Variants in DDC observed in about 807,000 individuals in gnomAD.
DDC encodes dopa decarboxylase.
Under a neutral mutation model 60.0 loss-of-function variants are expected in DDC, and 43 were observed. The observed-to-expected ratio is 0.72, with a 90% CI of 0.56 to 0.92. DDC has a LOEUF of 0.92. Ranked by LOEUF, DDC falls within the 40% of genes least tolerant of loss-of-function variation. The pLI is 0.00. For missense variants in DDC, 573 were observed against 620.2 expected, an observed-to-expected ratio of 0.92 and a Z score of 0.81; for synonymous variants, 232 against 234.6, an observed-to-expected ratio of 0.99 and a Z score of 0.10.
chr7:50,489,965 G>T (rs565791158), intron 9 of DDC, among the ~76,000 whole-genome samples: 1 of 152,278 alleles, frequency 6.6e-6, no homozygotes, highest in South Asian at 2.1e-4. Flanking sequence ...GCCTCATACT[G>T]TCTTTATTAG....
chr7:50,461,622 C>T (rs2060761), intron 14 of DDC, among the ~76,000 whole-genome samples: 123,074 of 152,198 alleles, frequency 0.81, 50,009 homozygotes, highest in Admixed American at 0.87. Flanking sequence ...GCTTATGAGA[C>T]AGATGCAAAC....
At chr7:50,481,968 A>G (rs1258497391) in intron 9 of DDC, among the ~76,000 whole-genome samples, 1 of 152,248 alleles carries the variant, frequency 6.6e-6, no homozygotes, top group Non-Finnish European at 1.5e-5. Context: ...CACATATCCC[A>G]ATCCATTCAT....
Position 50,467,286 on chromosome 7 carries a change from T to C in DDC, c.1170A>G (p.Ser390=). Residue 390 remains serine (S), a synonymous_variant, in exon 13 of 15, where the codon TCA becomes TCG. Coordinates refer to ENST00000444124, the MANE Select transcript of DDC (RefSeq NM_001082971.2). Reference sequence around the variant, plus strand: ...CAAAGCGGGGATCCTGGCGCACCAGTGACTCAAACTCATGGGACAGCTGGA... The same window carrying C: ...CAAAGCGGGGATCCTGGCGCACCAGCGACTCAAACTCATGGGACAGCTGGA... The part of the protein sequence containing the change: ...KHVQLSHEFE[S]LVRQDPRFEI... 1 of 1,614,160 alleles carries C rather than the reference T, an allele frequency of 6.2e-7. No individual in the cohort carries two copies. The highest frequency in any genetic ancestry group is 8.5e-7 in the Non-Finnish European group (1 of 1,179,998).
intron 6 of DDC, among the ~76,000 whole-genome samples, chr7:50,526,453 C>T (rs1293456751): frequency 1.3e-5 from 2 of 151,888 alleles, no homozygotes; most frequent in Admixed American, 6.6e-5. Context: ...GGGAATTCTA[C>T]AGACTAAAAG....
At chr7:50,463,512 T>C (rs1050259871) in intron 13 of DDC, 81 bp from the exon 14 acceptor site, 1 of 1,188,208 alleles carries the variant, frequency 8.4e-7, no homozygotes, top group African/African-American at 1.5e-5. Flanking sequence ...AAGACAGTGC[T>C]TGGCAACCCT....
chr7:50,526,335 T>C (rs2044037280), intron 6 of DDC, among the ~76,000 whole-genome samples: 1 of 152,170 alleles, frequency 6.6e-6, no homozygotes, highest in Admixed American at 6.5e-5. Context: ...TCTAGAATTC[T>C]ATACCCAGAA....
intron 14 of DDC, among the ~76,000 whole-genome samples, chr7:50,461,019 C>T (rs2153532494): frequency 6.6e-6 from 1 of 150,478 alleles, no homozygotes; most frequent in South Asian, 2.1e-4. Flanking sequence ...AAATCCCCCT[C>T]TGTGAGAAAC....
At chr7:50,501,101 G>A (rs1259144271) in intron 7 of DDC, among the ~76,000 whole-genome samples, 2 of 152,184 alleles carry the variant, frequency 1.3e-5, no homozygotes, top group Non-Finnish European at 2.9e-5. Flanking sequence ...CTAGCCCTGA[G>A]GCAAGGCTGC....
intron 11 of DDC, among the ~76,000 whole-genome samples, chr7:50,471,137 A>AC (rs1276319612): frequency 6.6e-6 from 1 of 152,134 alleles, no homozygotes; most frequent in Non-Finnish European, 1.5e-5. Flanking sequence ...CACGCCTGTA[A>AC]CCCCAGCACT....
rs1452606108 is a variant in DDC at position 50,529,288 on chromosome 7, T to A, written c.490A>T (p.Ile164Phe). 3 of 1,614,012 alleles carry A rather than the reference T, an allele frequency of 1.9e-6. No individual in the cohort carries two copies. Among genetic ancestry groups the A allele is most frequent in the Non-Finnish European group, 2.5e-6 (3 of 1,180,046 alleles). ...VALLAARTKV[I>F]HRLQAASPEL... ...GGGGACGCTGCCTGCAGCCGATGGA[T>A]CACTTTGGTCCGAGCGGCCAGCAGG... The change falls in exon 5 of 15, where the codon ATC becomes TTC. Residue 164 changes from isoleucine (I) to phenylalanine (F), a missense_variant. Ile to Phe is a conservative substitution (Grantham distance 21). Coordinates refer to ENST00000444124, the MANE Select transcript of DDC (RefSeq NM_001082971.2).
chr7:50,474,297 C>A (rs181085344), intron 11 of DDC, among the ~76,000 whole-genome samples: 3 of 152,316 alleles, frequency 2.0e-5, no homozygotes, highest in East Asian at 3.8e-4. Flanking sequence ...TCTGGATTAG[C>A]AGTGCGGAAA....
chr7:50,549,912 C>A (rs1304771275), intron 1 of DDC, among the ~76,000 whole-genome samples: 3 of 152,184 alleles, frequency 2.0e-5, no homozygotes, highest in African/African-American at 7.2e-5. Flanking sequence ...GCAAAGACAT[C>A]TTGAGATAGA....
intron 9 of DDC, 40 bp downstream of exon 9, chr7:50,495,310 C>T (rs2043103681): frequency 6.6e-7 from 1 of 1,516,034 alleles, no homozygotes; most frequent in East Asian, 2.3e-5. Context: ...TCACTGTCAC[C>T]TCGGACAGGC....
chr7:50,494,192 C>T (rs1168174946), intron 9 of DDC, among the ~76,000 whole-genome samples: 1 of 152,156 alleles, frequency 6.6e-6, no homozygotes, highest in Non-Finnish European at 1.5e-5. Context: ...CTAAATATCA[C>T]CAAGGTATTA....
chr7:50,480,034 G>T (rs1475417072), intron 9 of DDC, 171 bp from the exon 10 acceptor site: 3 of 637,034 alleles, frequency 4.7e-6, no homozygotes, highest in Admixed American at 5.2e-5. Flanking sequence ...GGGCGTCTTA[G>T]AATAAAAAAT....
intron 10 of DDC, 99 bp downstream of exon 10, chr7:50,479,688 G>GAT: frequency 9.7e-7 from 1 of 1,026,812 alleles, no homozygotes; most frequent in Non-Finnish European, 1.5e-6. Context: ...AAGCCTCCTT[G>GAT]GATATGGATG....
At chr7:50,465,252 C>T (rs1474538814) in intron 13 of DDC, among the ~76,000 whole-genome samples, 1 of 152,030 alleles carries the variant, frequency 6.6e-6, no homozygotes, top group Non-Finnish European at 1.5e-5. Flanking sequence ...GATTAGTAGC[C>T]CTGAGGATGG....
chr7:50,494,396 C>T (rs538809468), intron 9 of DDC, among the ~76,000 whole-genome samples: 9 of 151,948 alleles, frequency 5.9e-5, no homozygotes, highest in Admixed American at 2.0e-4. Context: ...CCCAGCTACT[C>T]GGGAGGCTGA....
chr7:50,547,306 G>T (rs2044840704), intron 1 of DDC, among the ~76,000 whole-genome samples: 1 of 151,918 alleles, frequency 6.6e-6, no homozygotes, highest in South Asian at 2.1e-4. Context: ...TGCCTCCCAG[G>T]TTCAAGTGAT....
Sources: allele counts gnomAD v4.1 joint callset (sites outside exome capture counted in the v4.1 genomes callset), GRCh38; gene constraint gnomAD v4.1.1; transcripts MANE v1.5; gene names NCBI Gene and HGNC (gene_info 2026-07-23, HGNC 2026-07-21).